ENG: variants seen among roughly 807,000 people sequenced by gnomAD.
The protein encoded by ENG is CD105 antigen.
A neutral mutation model predicts 71.0 loss-of-function variants in ENG; 17 were observed. The ratio of observed to expected loss-of-function variants is 0.24; its 90% CI spans 0.16 to 0.36. ENG has a LOEUF of 0.36. Ranked by LOEUF, ENG falls within the 10% of genes least tolerant of loss-of-function variation. The pLI, the probability that ENG is intolerant of heterozygous loss-of-function variation, is 1.00. For missense variants in ENG, 749 were observed against 868.3 expected (o/e 0.86, Z 1.73); for synonymous variants, 360 against 366.9 (o/e 0.98, Z 0.21).
chr9:127,816,568 G>T, intron 13 of ENG: 1 of 248,986 alleles, frequency 4.0e-6, no homozygotes. Context: ...TCTGACATCC[G>T]ATTCTGTGTC....
chr9:127,852,220 C>A (rs1387448468), intron 1 of ENG, among the ~76,000 whole-genome samples: 1 of 152,206 alleles, frequency 6.6e-6, no homozygotes, highest in South Asian at 2.1e-4. Context: ...CGCATCTTTA[C>A]AGAGTTGGAC....
chr9:127,829,494 G>A (rs1830706579), intron 3 of ENG, among the ~76,000 whole-genome samples, 193 bp downstream of exon 3: 1 of 152,184 alleles, frequency 6.6e-6, no homozygotes, highest in African/African-American at 2.4e-5. Flanking sequence ...CTTTACTGTA[G>A]TCCTGGTGCC....
intron 1 of ENG, among the ~76,000 whole-genome samples, chr9:127,843,961 G>A (rs1831112862): frequency 6.8e-6 from 1 of 147,006 alleles, no homozygotes; most frequent in Non-Finnish European, 1.5e-5. Flanking sequence ...AGTAGCGATG[G>A]GGTTTCTCCA....
At chr9:127,847,720 C>T (rs147410936) in intron 1 of ENG, among the ~76,000 whole-genome samples, 6 of 152,046 alleles carry the variant, frequency 3.9e-5, no homozygotes, top group African/African-American at 1.2e-4. Flanking sequence ...AAGGAAGATA[C>T]GTTTCAACAA....
intron 2 of ENG, among the ~76,000 whole-genome samples, chr9:127,834,628 C>G (rs1465956165): frequency 2.0e-5 from 3 of 152,014 alleles, no homozygotes; most frequent in African/African-American, 7.3e-5. Context: ...TGGTCTCGAA[C>G]TCCTGACCTC....
intron 13 of ENG, chr9:127,816,662 G>A (rs142282763): frequency 7.3e-4 from 180 of 246,454 alleles, no homozygotes; most frequent in Non-Finnish European, 1.3e-3. Context: ...AAAGAGGTAG[G>A]TGCCCCCATC....
chr9:127,827,317 C>A (rs1235044019), intron 3 of ENG: 1 of 152,408 alleles, frequency 6.6e-6, no homozygotes, highest in Non-Finnish European at 1.5e-5. Flanking sequence ...TGCATCAAGT[C>A]ATTTGAAACA....
chr9:127,816,995 C>G lies in ENG; in HGVS notation c.1741+154G>C. The stretch of plus-strand genomic sequence containing the variant: ...GCCCCTGCTCTAGGCTGCTATGGCT[C>G]TGGGAAGCCCTCCTCCTGCCCCTTC... On this transcript the variant is annotated intron_variant, in intron 13 of 14. Coordinates refer to ENST00000373203, the MANE Select transcript of ENG (RefSeq NM_001114753.3). 2.4e-6 allele frequency: 2 copies of G among 841,628 alleles called. 1 individual carries two copies. Among genetic ancestry groups the G allele is most frequent in the South Asian group, 2.9e-5 (2 of 68,972 alleles). 52.1% of individuals were successfully genotyped at this position (841,628 alleles called of 1,614,324 possible).
chr9:127,822,317 T>C (rs1473341228), intron 8 of ENG: 1 of 152,188 alleles, frequency 6.6e-6, no homozygotes, highest in African/African-American at 2.4e-5. Context: ...TGGCAAAGGT[T>C]TCTCTTTTTT....
At chr9:127,852,053 T>C (rs1363086175) in intron 1 of ENG, among the ~76,000 whole-genome samples, 1 of 152,240 alleles carries the variant, frequency 6.6e-6, no homozygotes, top group Non-Finnish European at 1.5e-5. Flanking sequence ...TAACAGTGTG[T>C]CCCTGACATC....
intron 4 of ENG, among the ~76,000 whole-genome samples, chr9:127,826,253 C>G (rs1050902210): frequency 2.7e-4 from 41 of 152,234 alleles, no homozygotes; most frequent in African/African-American, 9.9e-4. Context: ...GGCTTTGGCA[C>G]ATAGTAGATG....
intron 1 of ENG, among the ~76,000 whole-genome samples, chr9:127,848,565 T>C (rs999230449): frequency 2.0e-5 from 3 of 152,228 alleles, no homozygotes; most frequent in African/African-American, 7.2e-5. Flanking sequence ...ATTACAGGCA[T>C]GAGCCACCAT....
chr9:127,826,976 T>C, intron 3 of ENG: 1 of 411,418 alleles, frequency 2.4e-6, no homozygotes, highest in Non-Finnish European at 4.6e-6. Context: ...ATCCTGCGGC[T>C]GTCTCTCCCT....
rs374644720 is a variant in ENG at position 127,817,156 on chromosome 9, G to A, written c.1734C>T (p.Asp578=). 6.2e-7 allele frequency: 1 copy of A among 1,614,212 alleles called. No homozygotes were observed. Among genetic ancestry groups the A allele is most frequent in the Non-Finnish European group, 8.5e-7 (1 of 1,180,026 alleles). Residue 578 remains aspartate (D), a synonymous_variant, in exon 13 of 15, where the codon GAC becomes GAT. Transcript: ENST00000373203. ...VFMRLNIISP[D]LSGCTSKGLV... ...GACCTGGAGGGAGCTCACCAGACAG[G>A]TCAGGGCTGATGATGTTCAAGCGCA...
chr9:127,817,445 G>GAGCACTGTGGA (rs964455462), intron 12 of ENG: 3 of 590,492 alleles, frequency 5.1e-6, no homozygotes, highest in Non-Finnish European at 9.2e-6. Flanking sequence ...TGATGCCCAG[G>GAGCACTGTGGA]AGCACTGTGG....
intron 2 of ENG, among the ~76,000 whole-genome samples, chr9:127,831,802 C>T (rs948026436): frequency 2.0e-5 from 3 of 151,768 alleles, no homozygotes; most frequent in Admixed American, 6.6e-5. Flanking sequence ...AGCAATTCTC[C>T]TGCCTCAGCC....
chr9:127,825,211 G>A lies in ENG; in HGVS notation c.816+20C>T, dbSNP rs369681397. On this transcript the variant is annotated intron_variant, in intron 6 of 14. Transcript: ENST00000373203. ...GTTGGGAGTTTGGGTTTTGTGTCCC[G>A]GGAGCTGCGCACAACTCACCCAGAT... 91 of 1,612,952 alleles carry A rather than the reference G, an allele frequency of 5.6e-5. No homozygotes were observed. The South Asian group carries it at 8.0e-4, about 14-fold the overall frequency.
intron 2 of ENG, among the ~76,000 whole-genome samples, chr9:127,840,237 T>C (rs1435528418): frequency 5.3e-5 from 8 of 152,232 alleles, no homozygotes; most frequent in Admixed American, 5.2e-4. Flanking sequence ...TCTCAACCCC[T>C]GCATCAAGGT....
chr9:127,825,778 G>T lies in ENG; in HGVS notation c.606C>A (p.Ala202=). 1 of 1,597,874 alleles carries T rather than the reference G, an allele frequency of 6.3e-7. No individual in the cohort carries two copies. Among genetic ancestry groups the T allele is most frequent in the Non-Finnish European group, 8.5e-7 (1 of 1,173,734 alleles). The part of the protein sequence containing the change: ...RTLEWRPRTP[A]LVRGCHLEGV... ...CTTCCAAGTGGCAGCCCCGGACCAA[G>T]GCTGGAGTACGCGGCCGCCACTCGA... The change falls in exon 5 of 15, where the codon GCC becomes GCA. Residue 202 remains alanine, a synonymous_variant. Transcript: ENST00000373203.
Sources: gnomAD v4.1 joint callset for allele counts (sites outside exome capture counted in the v4.1 genomes callset) on GRCh38, gnomAD v4.1.1 for gene constraint, MANE v1.5 for transcripts, NCBI Gene and HGNC (gene_info 2026-07-23, HGNC 2026-07-21) for gene names.